WNK1: variants seen among roughly 807,000 people sequenced by gnomAD.
WNK1 encodes serine/threonine-protein kinase WNK1.
A neutral mutation model predicts 222.8 loss-of-function variants in WNK1; 38 were observed. The ratio of observed to expected loss-of-function variants is 0.17; its 90% CI spans 0.13 to 0.22. WNK1 has a LOEUF of 0.22. WNK1 is among the 10% of genes least tolerant of loss of function. WNK1 has a pLI of 1.00. For missense variants in WNK1, 2,348 were observed against 2,918.4 expected (o/e 0.80, Z 4.50); for synonymous variants, 1,090 against 1,092.9 (o/e 1.00, Z 0.05).
At chr12:759,220 A>G (rs1448451503) in intron 1 of WNK1, among the ~76,000 whole-genome samples, 1 of 147,322 alleles carries the variant, frequency 6.8e-6, no homozygotes, top group Non-Finnish European at 1.5e-5. Flanking sequence ...AATATTTAGC[A>G]TACTATGAAA....
intron 1 of WNK1, among the ~76,000 whole-genome samples, chr12:771,205 G>A (rs922850687): frequency 6.6e-6 from 1 of 151,790 alleles, no homozygotes; most frequent in Non-Finnish European, 1.5e-5. Flanking sequence ...CACCGTGTTA[G>A]CCAGGATGGT....
At chr12:807,954 C>T (rs1294651817) in intron 1 of WNK1, among the ~76,000 whole-genome samples, 1 of 151,898 alleles carries the variant, frequency 6.6e-6, no homozygotes, top group African/African-American at 2.4e-5. Flanking sequence ...CTCCTGACCT[C>T]GTGATCCGCC....
intron 1 of WNK1, among the ~76,000 whole-genome samples, chr12:790,680 C>T (rs1013772857): frequency 1.3e-5 from 2 of 152,180 alleles, no homozygotes; most frequent in African/African-American, 4.8e-5. Flanking sequence ...TCACAAGAAA[C>T]TGCTAATCAC....
chr12:894,580 G>C lies in WNK1; in HGVS notation c.5528G>C (p.Gly1843Ala). The C allele has an allele frequency of 6.2e-7, 1 of 1,613,928 alleles. No homozygotes were observed. The highest frequency in any genetic ancestry group is 2.2e-5 in the East Asian group (1 of 44,842). Residue 1843 changes from glycine to alanine, a missense_variant, in exon 23 of 28, where the codon GGC becomes GCC. Transcript: ENST00000315939. ...GTTTCAGTTTCTCAAGTCAAAGAAG[G>C]CCCTGTCCTAGCAACTAGTTCAGGA... ...PQKGVSQVKE[G>A]PVLATSSGAG...
intron 20 of WNK1, among the ~76,000 whole-genome samples, chr12:888,878 CAT>C (rs1953931631): frequency 6.6e-6 from 1 of 152,176 alleles, no homozygotes. Context: ...TAACATCAAA[CAT>C]AGAATGTAAT....
At chr12:870,686 G>A (rs1291002778) in intron 8 of WNK1, among the ~76,000 whole-genome samples, 1 of 152,148 alleles carries the variant, frequency 6.6e-6, no homozygotes, top group East Asian at 1.9e-4. Context: ...ACTAGTAGCA[G>A]CAATCTCCCT....
intron 2 of WNK1, among the ~76,000 whole-genome samples, chr12:823,017 T>C (rs1948031070): frequency 6.6e-6 from 1 of 152,220 alleles, no homozygotes; most frequent in Admixed American, 6.5e-5. Flanking sequence ...TGCAGTATAA[T>C]TTTGCTGATA....
At chr12:815,757 C>T (rs904469941) in intron 2 of WNK1, among the ~76,000 whole-genome samples, 1 of 152,130 alleles carries the variant, frequency 6.6e-6, no homozygotes, top group African/African-American at 2.4e-5. Context: ...TCTGGCATGC[C>T]TAAGATTACT....
At chr12:858,133 C>T (rs1950926803) in intron 5 of WNK1, among the ~76,000 whole-genome samples, 2 of 150,948 alleles carry the variant, frequency 1.3e-5, no homozygotes, top group Admixed American at 6.6e-5. Flanking sequence ...TTTATATATG[C>T]TGGGTACTTA....
chr12:895,463 A>T (rs1053263435), intron 23 of WNK1, among the ~76,000 whole-genome samples: 1 of 151,434 alleles, frequency 6.6e-6, no homozygotes, highest in Non-Finnish European at 1.5e-5. Flanking sequence ...ATTTTTATCT[A>T]TTTATTTATT....
chr12:791,277 A>C (rs1944810256), intron 1 of WNK1, among the ~76,000 whole-genome samples: 1 of 151,918 alleles, frequency 6.6e-6, no homozygotes, highest in African/African-American at 2.4e-5. Context: ...TTATGAACAC[A>C]TAATAAAGGA....
Position 880,942 on chromosome 12 carries a change from G to A in WNK1, c.3054G>A (p.Gln1018=), listed in dbSNP as rs907697539. The A allele has an allele frequency of 1.2e-6, 2 of 1,614,040 alleles. No homozygotes were observed. Among genetic ancestry groups the A allele is most frequent in the African/African-American group, 1.3e-5 (1 of 74,916 alleles). ...GGVGGQVQVS[Q]PGGSLAQAPT... ...TAGGAGGACAGGTTCAAGTGTCCCAGCCAGGAGGGAGTTTAGCACAAGCCC... is the reference window on the plus strand; with the variant it reads ...TAGGAGGACAGGTTCAAGTGTCCCAACCAGGAGGGAGTTTAGCACAAGCCC... The change falls in exon 12 of 28, where the codon CAG becomes CAA. Residue 1018 remains glutamine (Q), a synonymous_variant. Coordinates refer to ENST00000315939, the MANE Select transcript of WNK1 (RefSeq NM_018979.4).
intron 6 of WNK1, 88 bp downstream of exon 6, chr12:859,552 G>C (rs72648675): frequency 2.0e-6 from 2 of 982,110 alleles, no homozygotes; most frequent in Non-Finnish European, 3.1e-6. Flanking sequence ...ATGAAGTGCC[G>C]TGTGTGGCAT....
intron 26 of WNK1, chr12:906,904 G>T: frequency 7.4e-6 from 2 of 269,640 alleles, no homozygotes; most frequent in Non-Finnish European, 1.1e-5. Flanking sequence ...GTGTGGAAGT[G>T]CATACGTCTA....
At chr12:847,948 C>T (rs1459783437) in intron 4 of WNK1, among the ~76,000 whole-genome samples, 2 of 151,846 alleles carry the variant, frequency 1.3e-5, no homozygotes, top group East Asian at 1.9e-4. Flanking sequence ...GCTGGGACTA[C>T]AGGCATGTGC....
At position 879,637 on chromosome 12, in the gene WNK1, C is replaced by T. The variant is rs1952965213; in HGVS notation, c.2438C>T (p.Pro813Leu). The change falls in exon 11 of 28, where the codon CCC (proline) becomes CTC (leucine). Residue 813 changes from proline to leucine, a missense_variant. This residue lies in a region of WNK1 where 547 missense variants were observed against 558.3 expected (regional missense o/e 0.98). Transcript: ENST00000315939. ...GEPQIPVATQ[P>L]SVVPVHSGAH... ...CCTCAGATCCCAGTTGCGACACAACCCTCGGTTGTTCCAGTCCACTCTGGT... is the reference window on the plus strand; with the variant it reads ...CCTCAGATCCCAGTTGCGACACAACTCTCGGTTGTTCCAGTCCACTCTGGT... The T allele has an allele frequency of 6.2e-7, 1 of 1,613,338 alleles. No individual in the cohort carries two copies. The highest frequency in any genetic ancestry group is 1.3e-5 in the African/African-American group (1 of 74,642).
intron 4 of WNK1, among the ~76,000 whole-genome samples, chr12:835,690 C>T (rs773333748): frequency 3.3e-5 from 5 of 152,010 alleles, no homozygotes; most frequent in Non-Finnish European, 5.9e-5. Context: ...TGATAGCTCA[C>T]GCCTGTAATC....
At chr12:758,352 A>G (rs1591564539) in intron 1 of WNK1, among the ~76,000 whole-genome samples, 2 of 103,668 alleles carry the variant, frequency 1.9e-5, no homozygotes, top group Admixed American at 1.9e-4. Flanking sequence ...AGAAACCATC[A>G]TTTATTTCTT....
chr12:818,834 T>C (rs868064877), intron 2 of WNK1, among the ~76,000 whole-genome samples: 1 of 152,254 alleles, frequency 6.6e-6, no homozygotes, highest in Non-Finnish European at 1.5e-5. Context: ...TAACATTCCA[T>C]TGCATGGAAA....
Sources: allele counts gnomAD v4.1 joint callset (sites outside exome capture counted in the v4.1 genomes callset), GRCh38; gene constraint gnomAD v4.1.1; regional missense constraint gnomAD v4.1.1; transcripts MANE v1.5; gene names NCBI Gene and HGNC (gene_info 2026-07-23, HGNC 2026-07-21).